The following PRDM11 variants were observed in gnomAD, a reference collection of about 807,000 sequenced individuals.
The protein encoded by PRDM11 is PR/SET domain 11, also known as PR domain-containing protein 11.
PRDM11 carries 20 observed loss-of-function variants against 97.8 expected under a neutral mutation model. The ratio of observed to expected loss-of-function variants is 0.20; its 90% confidence interval spans 0.14 to 0.30. The LOEUF (loss-of-function observed/expected upper bound fraction) is 0.30. Among genes scored for constraint, PRDM11 ranks in the 10% least tolerant of loss-of-function variants. The pLI is 1.00. For synonymous variants in PRDM11, 599 were observed against 637.7 expected (o/e 0.94, Z 0.91); for missense variants, 1,139 against 1,555.2 (o/e 0.73, Z 4.50).
At chr11:45,132,975 A>AACCCAT (rs977543686) in intron 1 of PRDM11, among the ~76,000 whole-genome samples, 7 of 152,194 alleles carry the variant, frequency 4.6e-5, no homozygotes, top group African/African-American at 1.4e-4. Flanking sequence ...TGCCACACAT[A>AACCCAT]CCCCATCCCC....
intron 1 of PRDM11, among the ~76,000 whole-genome samples, chr11:45,164,983 C>T (rs993702651): frequency 3.9e-5 from 6 of 152,130 alleles, no homozygotes; most frequent in Non-Finnish European, 5.9e-5. Context: ...AGTTATTTAC[C>T]GTCTGCTTAT....
chr11:45,122,188 CAG>C (rs1212714188), intron 1 of PRDM11, among the ~76,000 whole-genome samples: 9 of 133,262 alleles, frequency 6.8e-5, no homozygotes, highest in African/African-American at 1.1e-4. Flanking sequence ...GAGACACAGA[CAG>C]ACACACACAC....
At chr11:45,096,565 T>C (rs1246364106) in intron 1 of PRDM11, among the ~76,000 whole-genome samples, 2 of 152,142 alleles carry the variant, frequency 1.3e-5, no homozygotes, top group African/African-American at 4.8e-5. Flanking sequence ...GTTTTCATTA[T>C]TCTGGCCAGG....
chr11:45,195,544 G>A lies in PRDM11; in HGVS notation c.487-9167G>A, dbSNP rs570984054. 2.4e-4 allele frequency among the ~76,000 whole-genome samples: 37 copies of A among 151,798 alleles called. 2 individuals carry two copies. In the South Asian group the frequency reaches 6.9e-3, roughly 28 times the overall value. ...TCAAGGTTCATCTGTGTGGCAGCAT[G>A]TATCATTCCCTTTTACTTTCTTTCT... On this transcript the variant is annotated intron_variant, in intron 4 of 7. Coordinates refer to ENST00000683152, the MANE Select transcript of PRDM11 (RefSeq NM_001384648.1).
chr11:45,227,823 G>T lies in PRDM11; in HGVS notation c.3198G>T (p.Gln1066His), dbSNP rs1565353619. Residue 1066 changes from glutamine (Q) to histidine (H), a missense_variant, in exon 8 of 8, where the codon CAG becomes CAT. Gln to His is a conservative substitution (Grantham distance 24). Around this residue, in one of 2 missense-constraint regions of PRDM11, gnomAD observed 710 missense variants for 1,044.9 expected, o/e 0.68. Transcript: ENST00000683152. The surrounding 1 kb of genome is among the most constrained non-coding windows in gnomAD (Gnocchi z 8.0). ...TCAGCCACATTTGCAAGTACAAACAGAGGTTTCCACTCTTGAACAAGATCA... is the reference window on the plus strand; with the variant it reads ...TCAGCCACATTTGCAAGTACAAACATAGGTTTCCACTCTTGAACAAGATCA... ...DLISHICKYKQRFPLLNKIIQ... is the reference protein window; with the variant it reads ...DLISHICKYKHRFPLLNKIIQ... 6 of 1,533,908 alleles carry T rather than the reference G, an allele frequency of 3.9e-6. No homozygotes were observed. The highest frequency in any genetic ancestry group is 5.2e-6 in the Non-Finnish European group (6 of 1,146,730).
chr11:45,101,663 T>C (rs1469752471), intron 1 of PRDM11, among the ~76,000 whole-genome samples: 1 of 136,260 alleles, frequency 7.3e-6, no homozygotes, highest in African/African-American at 2.8e-5. Flanking sequence ...GGCTCAGAGC[T>C]GGAGGCTGAG....
Position 45,214,135 on chromosome 11 carries a change from C to G in PRDM11, c.555-5435C>G, listed in dbSNP as rs540307259. On this transcript the variant is annotated intron_variant, in intron 5 of 7. Transcript: ENST00000683152. ...TCCAGAGCCCAGTGGGGCTCATGTC[C>G]CATTCCAGGTTCCAGCATGCCTTGC... is the stretch of plus-strand genomic sequence containing the variant. 1.6e-5 allele frequency: 3 copies of G among 189,392 alleles called. No individual in the cohort carries two copies. The Admixed American group carries it at 1.6e-4, about 10-fold the overall frequency. The allele number at this position is 189,392 out of a possible 1,614,324, so 11.7% of individuals were successfully genotyped here.
At chr11:45,200,569 C>T (rs934331285) in intron 4 of PRDM11, among the ~76,000 whole-genome samples, 1 of 152,214 alleles carries the variant, frequency 6.6e-6, no homozygotes, top group Admixed American at 6.5e-5. Flanking sequence ...ATTCCTCTGG[C>T]TCCATGGCTC....
At chr11:45,225,740 G>A (rs1854259581) in intron 7 of PRDM11, among the ~76,000 whole-genome samples, 1 of 152,154 alleles carries the variant, frequency 6.6e-6, no homozygotes, top group Admixed American at 6.5e-5. Flanking sequence ...ACACATGGAG[G>A]GCAAGGGCAG....
intron 1 of PRDM11, among the ~76,000 whole-genome samples, chr11:45,180,984 AG>A: frequency 6.6e-6 from 1 of 152,194 alleles, no homozygotes; most frequent in South Asian, 2.1e-4. Flanking sequence ...GCCGAGGAGC[AG>A]GGGTGTGGCC....
In PRDM11 at chr11:45,226,459, C is replaced by T. The variant is rs139374578; in HGVS notation, c.1834C>T (p.Leu612=). 5 of 1,534,006 alleles carry T rather than the reference C, an allele frequency of 3.3e-6. No homozygotes were observed. In the African/African-American group the frequency reaches 6.8e-5, roughly 21 times the overall value. The change falls in exon 8 of 8, where the codon CTG becomes TTG. Residue 612 remains leucine, a synonymous_variant. Transcript: ENST00000683152. ...EGRPYLDFRP[L]AELLRKCELK... The stretch of plus-strand genomic sequence containing the variant: ...CAGGCCCTACCTGGACTTCCGGCCC[C>T]TGGCGGAGCTGCTGAGGAAGTGTGA...
chr11:45,222,322 CGTT>C (rs1191587684), intron 6 of PRDM11, among the ~76,000 whole-genome samples: 1 of 152,156 alleles, frequency 6.6e-6, no homozygotes, highest in Non-Finnish European at 1.5e-5. Context: ...ATTTGAACAA[CGTT>C]GTTTTCAAAC....
chr11:45,226,277 A>G lies in PRDM11; in HGVS notation c.1652A>G (p.Gln551Arg). 1 of 1,533,982 alleles carries G rather than the reference A, an allele frequency of 6.5e-7. No homozygotes were observed. Among genetic ancestry groups the G allele is most frequent in the Non-Finnish European group, 8.7e-7 (1 of 1,146,740 alleles). ...RTSAFIIGSKQFKIHTIKLHS... is the reference protein window; with the variant it reads ...RTSAFIIGSKRFKIHTIKLHS... The stretch of plus-strand genomic sequence containing the variant: ...TCGGCCTTCATCATTGGCTCCAAGC[A>G]GTTTAAGATTCACACCATCAAACTT... Residue 551 changes from glutamine to arginine, a missense_variant, in exon 8 of 8, where the codon CAG becomes CGG. By Grantham distance (43) the Gln-to-Arg change is conservative. Coordinates refer to ENST00000683152, the MANE Select transcript of PRDM11 (RefSeq NM_001384648.1).
At chr11:45,163,720 T>A (rs1266369913) in intron 1 of PRDM11, among the ~76,000 whole-genome samples, 1 of 152,252 alleles carries the variant, frequency 6.6e-6, no homozygotes, top group African/African-American at 2.4e-5. Flanking sequence ...AAAGTGAGAC[T>A]ATGGAGCTTG....
intron 1 of PRDM11, among the ~76,000 whole-genome samples, chr11:45,171,966 G>A (rs1852212671): frequency 6.6e-6 from 1 of 152,184 alleles, no homozygotes; most frequent in Non-Finnish European, 1.5e-5. Context: ...CACAAGATAA[G>A]AGCTCAGTTA....
intron 4 of PRDM11, among the ~76,000 whole-genome samples, chr11:45,192,543 A>G (rs1026101627): frequency 6.6e-6 from 1 of 152,218 alleles, no homozygotes; most frequent in Non-Finnish European, 1.5e-5. Context: ...CTATTGTATC[A>G]GAGCAAAAGT....
intron 1 of PRDM11, among the ~76,000 whole-genome samples, chr11:45,163,954 G>A (rs1272059773): frequency 1.3e-5 from 2 of 152,186 alleles, no homozygotes; most frequent in African/African-American, 4.8e-5. Context: ...TGGAGAACCT[G>A]AGGTTTGGCA....
chr11:45,112,103 C>G (rs2135608005), intron 1 of PRDM11, among the ~76,000 whole-genome samples: 1 of 152,290 alleles, frequency 6.6e-6, no homozygotes, highest in South Asian at 2.1e-4. Context: ...ACCCTCCCAA[C>G]CTTCCCCCAC....
chr11:45,170,615 C>CTA (rs112964184), intron 1 of PRDM11, among the ~76,000 whole-genome samples: 4 of 152,042 alleles, frequency 2.6e-5, no homozygotes, highest in African/African-American at 9.7e-5. Flanking sequence ...GTGGAACAAA[C>CTA]TGTCAGGCCA....
Sources: allele counts gnomAD v4.1 joint callset (sites outside exome capture counted in the v4.1 genomes callset), GRCh38; gene constraint gnomAD v4.1.1; regional missense constraint gnomAD v4.1.1; non-coding constraint Gnocchi (gnomAD v3.1); transcripts MANE v1.5; gene names NCBI Gene and HGNC (gene_info 2026-07-23, HGNC 2026-07-21).